The following GRID1 variants were observed in gnomAD, a reference collection of about 807,000 sequenced individuals.
The protein encoded by GRID1 is glutamate ionotropic receptor delta type subunit 1, also known as glutamate receptor ionotropic, delta-1.
Under a neutral mutation model 98.0 loss-of-function variants are expected in GRID1, and 28 were observed. The ratio of observed to expected loss-of-function variants is 0.29; its 90% confidence interval spans 0.21 to 0.39. GRID1 has a LOEUF of 0.39. GRID1 is among the 10% of genes least tolerant of loss of function. The pLI is 1.00. For missense variants in GRID1, 1,111 were observed against 1,340.5 expected (o/e 0.83, Z 2.67); for synonymous variants, 553 against 538.5 (o/e 1.03, Z -0.37).
chr10:86,233,237 A>G (rs1182925608), intron 2 of GRID1, among the ~76,000 whole-genome samples: 1 of 151,842 alleles, frequency 6.6e-6, no homozygotes, highest in African/African-American at 2.4e-5. Context: ...TGACCACCTC[A>G]GCCAGGTTCG....
intron 8 of GRID1, among the ~76,000 whole-genome samples, chr10:85,822,595 G>A (rs1354632651): frequency 6.6e-6 from 1 of 152,206 alleles, no homozygotes; most frequent in Non-Finnish European, 1.5e-5. Flanking sequence ...TGGTGGGACT[G>A]TAAACTAGTT....
At chr10:85,945,181 T>C (rs560679850) in intron 4 of GRID1, among the ~76,000 whole-genome samples, 2 of 152,280 alleles carry the variant, frequency 1.3e-5, no homozygotes, top group Non-Finnish European at 2.9e-5. Context: ...TTACTATAGA[T>C]TATAAAACAT....
chr10:85,901,792 A>C (rs1489571153), intron 5 of GRID1, among the ~76,000 whole-genome samples: 2 of 152,156 alleles, frequency 1.3e-5, no homozygotes, highest in African/African-American at 4.8e-5. Context: ...AAAACCCATC[A>C]TCTGTGCAGC....
At chr10:85,971,320 TA>T (rs1027797393) in intron 4 of GRID1, among the ~76,000 whole-genome samples, 1 of 152,010 alleles carries the variant, frequency 6.6e-6, no homozygotes, top group African/African-American at 2.4e-5. Context: ...AGTAACCATT[TA>T]AAAATAATCA....
At chr10:85,834,279 A>C (rs1842893969) in intron 8 of GRID1, among the ~76,000 whole-genome samples, 1 of 152,222 alleles carries the variant, frequency 6.6e-6, no homozygotes, top group South Asian at 2.1e-4. Context: ...GTGAATTGAG[A>C]ATATGAAACT....
At chr10:85,672,845 T>C (rs902000629) in intron 12 of GRID1, among the ~76,000 whole-genome samples, 1 of 152,230 alleles carries the variant, frequency 6.6e-6, no homozygotes, top group African/African-American at 2.4e-5. Flanking sequence ...CTGCAGCCCA[T>C]GGATCAAGGT....
At chr10:85,699,856 G>A (rs1841432789) in intron 12 of GRID1, among the ~76,000 whole-genome samples, 5 of 152,064 alleles carry the variant, frequency 3.3e-5, no homozygotes, top group Admixed American at 1.3e-4. Context: ...CAAAGTATTC[G>A]CTTATTTTAG....
At chr10:86,142,264 G>A (rs1388103952) in intron 3 of GRID1, among the ~76,000 whole-genome samples, 1 of 152,236 alleles carries the variant, frequency 6.6e-6, no homozygotes, top group East Asian at 1.9e-4. Context: ...GCTGTTCTAA[G>A]TTTTGGGACG....
chr10:86,006,891 G>T (rs1171355959), intron 4 of GRID1, among the ~76,000 whole-genome samples: 1 of 152,078 alleles, frequency 6.6e-6, no homozygotes, highest in Non-Finnish European at 1.5e-5. Flanking sequence ...AGGAGGCAGG[G>T]GAAGCTGGCG....
At chr10:85,651,642 C>T (rs549670528) in intron 12 of GRID1, among the ~76,000 whole-genome samples, 3 of 152,214 alleles carry the variant, frequency 2.0e-5, no homozygotes, top group East Asian at 1.9e-4. Context: ...CTTTGTGGGT[C>T]GTCATAGTAA....
chr10:85,724,389 G>A lies in GRID1; in HGVS notation c.1821C>T (p.Ser607=), dbSNP rs200091837. The change falls in exon 11 of 16, where the codon AGC becomes AGT. Residue 607 remains serine, a synonymous_variant. Coordinates refer to ENST00000327946, the MANE Select transcript of GRID1 (RefSeq NM_017551.3). The part of the protein sequence containing the change: ...PRPSASATLH[S]AIWIVYGAFV... ...AGGCTCCATAGACAATCCAGATGGC[G>A]CTGTGCAGAGTGGCAGAAGCTGACG... 27 of 1,613,982 alleles carry A rather than the reference G, an allele frequency of 1.7e-5. No homozygotes were observed. Among genetic ancestry groups the A allele is most frequent in the African/African-American group, 2.7e-5 (2 of 74,916 alleles).
At chr10:86,336,481 C>T (rs1014883992) in intron 2 of GRID1, among the ~76,000 whole-genome samples, 6 of 152,172 alleles carry the variant, frequency 3.9e-5, no homozygotes, top group African/African-American at 1.4e-4. Flanking sequence ...AAGCAGGCAG[C>T]TGAAGAAGAA....
intron 4 of GRID1, among the ~76,000 whole-genome samples, chr10:86,053,718 T>C (rs1394131371): frequency 6.6e-6 from 1 of 152,142 alleles, no homozygotes; most frequent in Admixed American, 6.5e-5. Context: ...GAGGCTTTCC[T>C]CAGGGGCTGC....
At chr10:85,656,242 T>C (rs1840893910) in intron 12 of GRID1, among the ~76,000 whole-genome samples, 1 of 152,184 alleles carries the variant, frequency 6.6e-6, no homozygotes, top group Admixed American at 6.5e-5. Flanking sequence ...AGCACTCTCC[T>C]AGATGCCCTT....
At position 86,042,130 on chromosome 10, in the gene GRID1, G is replaced by T. The variant is rs1040223913; in HGVS notation, c.726+96689C>A. 3.9e-5 allele frequency among the ~76,000 whole-genome samples: 6 copies of T among 152,226 alleles called. No individual in the cohort carries two copies. The East Asian group carries it at 7.7e-4, about 20-fold the overall frequency. ...GGAAACTGGGAGGGTCTCCAGAGGG[G>T]CCTTATGAGGGCTTCAGCCAAATTC... On this transcript the variant is annotated intron_variant, in intron 4 of 15. Coordinates refer to ENST00000327946, the MANE Select transcript of GRID1 (RefSeq NM_017551.3).
chr10:86,254,689 C>T (rs767372132), intron 2 of GRID1, among the ~76,000 whole-genome samples: 20 of 152,188 alleles, frequency 1.3e-4, no homozygotes, highest in Non-Finnish European at 2.6e-4. Flanking sequence ...CAGGCAGGGC[C>T]CAGTAGGCTT....
At chr10:86,341,726 C>T (rs117045894) in intron 2 of GRID1, among the ~76,000 whole-genome samples, 7,303 of 152,330 alleles carry the variant, frequency 0.048, 260 homozygotes, top group Non-Finnish European at 0.073. Context: ...ACGCACAGCT[C>T]TGCCCCTCTT....
chr10:85,994,136 C>T lies in GRID1; in HGVS notation c.727-77897G>A, dbSNP rs555989583. On this transcript the variant is annotated intron_variant, in intron 4 of 15. Transcript: ENST00000327946. ...TTGATTTTTCAAACACACCAAACAA[C>T]AGGAAAGAAAAATGAGCAAACCAGA... is the stretch of plus-strand genomic sequence containing the variant. Among the ~76,000 whole-genome samples the T allele has an allele frequency of 3.9e-5, 6 of 152,296 alleles. No homozygotes were observed. The South Asian group carries it at 6.2e-4, about 16-fold the overall frequency.
Position 85,907,181 on chromosome 10 carries a change from G to A in GRID1, c.780+9005C>T, listed in dbSNP as rs544768981. ...GGTTGGAGTGCAATGGCACAATCTC[G>A]GCTCACTGCAACCTCCACCTCCAGG... On this transcript the variant is annotated intron_variant, in intron 5 of 15. Coordinates refer to ENST00000327946, the MANE Select transcript of GRID1 (RefSeq NM_017551.3). Among the ~76,000 whole-genome samples the A allele has an allele frequency of 1.3e-4, 20 of 152,186 alleles. 1 individual carries two copies. The South Asian group carries it at 3.1e-3, about 24-fold the overall frequency.
Sources: allele counts gnomAD v4.1 joint callset (sites outside exome capture counted in the v4.1 genomes callset), GRCh38; gene constraint gnomAD v4.1.1; transcripts MANE v1.5; gene names NCBI Gene and HGNC (gene_info 2026-07-23, HGNC 2026-07-21).